Variants in VAV3 observed in about 807,000 individuals in gnomAD.
The protein encoded by VAV3 is vav guanine nucleotide exchange factor 3.
VAV3 carries 94 observed loss-of-function variants against 131.2 expected under a neutral mutation model. The ratio of observed to expected loss-of-function variants is 0.72; its 90% CI spans 0.61 to 0.85. The LOEUF (loss-of-function observed/expected upper bound fraction) is 0.85, where lower values mean the gene tolerates loss of function less well. Among genes scored for constraint, VAV3 ranks in the 40% least tolerant of loss-of-function variants. The probability of loss-of-function intolerance (pLI) is 0.00; values close to 1 mark genes in which losing one functional copy is unlikely to be tolerated. For synonymous variants in VAV3, 349 were observed against 342.0 expected, an observed-to-expected ratio of 1.02 and a Z score of -0.22; for missense variants, 939 against 1,002.7, an observed-to-expected ratio of 0.94 and a Z score of 0.86.
chr1:107,960,760 T>G (rs189375), intron 1 of VAV3, among the ~76,000 whole-genome samples: 57,949 of 152,034 alleles, frequency 0.38, 12,803 homozygotes, highest in Middle Eastern at 0.57. Context: ...TTTCCAAACA[T>G]TGACATTCCT....
At chr1:107,757,153 A>ATGTGTGTG (rs34437461) in intron 11 of VAV3, 108 bp downstream of exon 11, 6 of 593,020 alleles carry the variant, frequency 1.0e-5, no homozygotes, top group East Asian at 6.0e-5. Context: ...ATGTGTGTAT[A>ATGTGTGTG]TGTGTGTGTG....
At chr1:107,776,265 A>C (rs1165393129) in intron 4 of VAV3, among the ~76,000 whole-genome samples, 2 of 152,232 alleles carry the variant, frequency 1.3e-5, no homozygotes, top group Non-Finnish European at 2.9e-5. Context: ...AGACACTGTG[A>C]AGTTCTAGGA....
At chr1:107,665,758 T>C (rs1418639730) in intron 19 of VAV3, among the ~76,000 whole-genome samples, 3 of 152,148 alleles carry the variant, frequency 2.0e-5, no homozygotes, top group Non-Finnish European at 4.4e-5. Flanking sequence ...CCCAGCCTGA[T>C]CCAGAGGGAG....
chr1:107,959,799 T>G (rs1035036867), intron 1 of VAV3, among the ~76,000 whole-genome samples: 1 of 152,164 alleles, frequency 6.6e-6, no homozygotes, highest in Non-Finnish European at 1.5e-5. Context: ...CCCATCTAGA[T>G]GTCTACTAGG....
intron 2 of VAV3, among the ~76,000 whole-genome samples, chr1:107,808,831 A>T (rs1667185828): frequency 6.6e-6 from 1 of 152,192 alleles, no homozygotes; most frequent in Admixed American, 6.5e-5. Flanking sequence ...AACAATTACA[A>T]TCAATGAAAA....
At chr1:107,709,276 A>G (rs1486678519) in intron 15 of VAV3, among the ~76,000 whole-genome samples, 1 of 152,124 alleles carries the variant, frequency 6.6e-6, no homozygotes, top group African/African-American at 2.4e-5. Flanking sequence ...CAAACATTCT[A>G]CCAGGAAAAT....
In VAV3 at chr1:107,583,002, T is replaced by C. The variant is rs1223833540; in HGVS notation, c.2351-8804A>G. On this transcript the variant is annotated intron_variant, in intron 25 of 26. Coordinates refer to ENST00000370056, the MANE Select transcript of VAV3 (RefSeq NM_006113.5). ...GGAATTGCCACACTGACTTCCACAA[T>C]GGTTGAACTAGTTTACAGTCCCACC... Among the ~76,000 whole-genome samples, 5 of 152,310 alleles carry C rather than the reference T, an allele frequency of 3.3e-5. No homozygotes were observed. The East Asian group carries it at 9.7e-4, about 29-fold the overall frequency.
chr1:107,738,758 T>C (rs1662833610), intron 15 of VAV3, among the ~76,000 whole-genome samples: 1 of 152,212 alleles, frequency 6.6e-6, no homozygotes, highest in South Asian at 2.1e-4. Flanking sequence ...AGCTTGATTA[T>C]TATCATAGAA....
intron 1 of VAV3, among the ~76,000 whole-genome samples, chr1:107,963,827 A>T: frequency 6.6e-6 from 1 of 152,226 alleles, no homozygotes; most frequent in East Asian, 1.9e-4. Flanking sequence ...ATTTTCCGAC[A>T]GGACAAATAA....
rs1170259940 is a variant in VAV3, at chr1:107,688,550, C to T, written c.1706-144G>A. 2.6e-6 allele frequency: 4 copies of T among 1,517,882 alleles called. No homozygotes were observed. The East Asian group carries it at 9.9e-5, about 38-fold the overall frequency. The allele number at this position is 1,517,882 out of a possible 1,614,324, so 94.0% of individuals were successfully genotyped here. On this transcript the variant is annotated intron_variant, in intron 17 of 26. Transcript: ENST00000370056. The stretch of plus-strand genomic sequence containing the variant: ...TAATATATTTCCACGGTCCCTCAGG[C>T]TGGGCTAGTAATTATTTTGCAACCT...
At chr1:107,690,581 C>T (rs1456150965) in intron 17 of VAV3, among the ~76,000 whole-genome samples, 1 of 152,118 alleles carries the variant, frequency 6.6e-6, no homozygotes, top group African/African-American at 2.4e-5. Context: ...CTTAGCTATC[C>T]CTCCTTTATT....
intron 2 of VAV3, among the ~76,000 whole-genome samples, chr1:107,798,047 T>C (rs925568262): frequency 3.9e-5 from 6 of 152,194 alleles, no homozygotes; most frequent in Non-Finnish European, 2.9e-5. Flanking sequence ...ACTTTTAGCC[T>C]TCTGCTTTCC....
At chr1:107,832,377 T>G (rs1017001021) in intron 2 of VAV3, among the ~76,000 whole-genome samples, 3 of 152,160 alleles carry the variant, frequency 2.0e-5, no homozygotes, top group African/African-American at 7.2e-5. Context: ...GCAGTTACAA[T>G]GATAAGAACA....
At chr1:107,669,211 T>C (rs1193776866) in intron 19 of VAV3, 1 of 1,163,104 alleles carries the variant, frequency 8.6e-7, no homozygotes. Flanking sequence ...CTTTCCAAAG[T>C]ACTTTGAATT....
intron 2 of VAV3, among the ~76,000 whole-genome samples, chr1:107,786,292 G>C (rs1666000032): frequency 6.6e-6 from 1 of 152,070 alleles, no homozygotes; most frequent in African/African-American, 2.4e-5. Flanking sequence ...CTTCAAAAGT[G>C]AAACTACAGA....
intron 19 of VAV3, among the ~76,000 whole-genome samples, chr1:107,668,405 C>A (rs1657558857): frequency 6.6e-6 from 1 of 152,218 alleles, no homozygotes; most frequent in African/African-American, 2.4e-5. Flanking sequence ...CCTGTCACAA[C>A]TCTCAGTGTA....
intron 20 of VAV3, among the ~76,000 whole-genome samples, chr1:107,621,891 T>C (rs1258041893): frequency 6.6e-6 from 1 of 152,180 alleles, no homozygotes; most frequent in Non-Finnish European, 1.5e-5. Context: ...CTCTGTACTA[T>C]GTGATGAGAC....
At chr1:107,924,939 T>C (rs1326924886) in intron 1 of VAV3, among the ~76,000 whole-genome samples, 1 of 152,210 alleles carries the variant, frequency 6.6e-6, no homozygotes, top group Non-Finnish European at 1.5e-5. Flanking sequence ...CCAAAAGATA[T>C]GTACGCATTC....
Position 107,765,095 on chromosome 1 carries a change from T to C in VAV3, c.902A>G (p.Asp301Gly). The C allele has an allele frequency of 6.2e-7, 1 of 1,613,006 alleles. No homozygotes were observed. Among genetic ancestry groups the C allele is most frequent in the Non-Finnish European group, 8.5e-7 (1 of 1,179,228 alleles). ...SLDYISKTKE[D>G]VKLKLEECSK... ...AGGCACCTCTAATTTCAGTTTGACA[T>C]CTTCTTTTGTCTTAGAAATGTAGTC... The change falls in exon 9 of 27, where the codon GAT (aspartate) becomes GGT (glycine). Residue 301 changes from aspartate to glycine, a missense_variant. By Grantham distance (94) the Asp-to-Gly change is moderately conservative. Coordinates refer to ENST00000370056, the MANE Select transcript of VAV3 (RefSeq NM_006113.5).
Sources: allele counts gnomAD v4.1 joint callset (sites outside exome capture counted in the v4.1 genomes callset), GRCh38; gene constraint gnomAD v4.1.1; transcripts MANE v1.5; gene names NCBI Gene and HGNC (gene_info 2026-07-23, HGNC 2026-07-21).